IGF1: variants seen among roughly 807,000 people sequenced by gnomAD.
The protein encoded by IGF1 is insulin-like growth factor 1.
A neutral mutation model predicts 13.8 loss-of-function variants in IGF1; 4 were observed. The observed-to-expected ratio is 0.29, with a 90% CI of 0.14 to 0.66. IGF1 has a LOEUF of 0.66. Among genes scored for constraint, IGF1 ranks in the 30% least tolerant of loss-of-function variants. IGF1 has a pLI of 0.78. For synonymous variants in IGF1, 76 were observed against 72.6 expected (o/e 1.05, Z -0.23); for missense variants, 124 against 188.5 (o/e 0.66, Z 2.00).
intron 2 of IGF1, among the ~76,000 whole-genome samples, chr12:102,456,938 G>A (rs1017079343): frequency 3.3e-5 from 5 of 152,086 alleles, no homozygotes; most frequent in Non-Finnish European, 5.9e-5. Flanking sequence ...AACTGGTAGC[G>A]GGTCCTGATT....
intron 2 of IGF1, among the ~76,000 whole-genome samples, chr12:102,447,090 CTGTT>C (rs1367006096): frequency 5.9e-5 from 9 of 152,238 alleles, no homozygotes; most frequent in African/African-American, 1.7e-4. Flanking sequence ...GTTGGAGAGA[CTGTT>C]TGTTATGATT....
At chr12:102,468,502 AAAC>A (rs1250712403) in intron 2 of IGF1, among the ~76,000 whole-genome samples, 1 of 152,270 alleles carries the variant, frequency 6.6e-6, no homozygotes, top group Non-Finnish European at 1.5e-5. Context: ...ATGTGAGACT[AAAC>A]AATGCATTAA....
intron 2 of IGF1, among the ~76,000 whole-genome samples, chr12:102,454,893 T>C (rs1195537274): frequency 2.0e-5 from 3 of 152,202 alleles, no homozygotes; most frequent in African/African-American, 4.8e-5. Context: ...TATATCACAA[T>C]GCGTTAGTGT....
At chr12:102,441,679 C>T (rs1348796930) in intron 2 of IGF1, among the ~76,000 whole-genome samples, 1 of 152,142 alleles carries the variant, frequency 6.6e-6, no homozygotes, top group Non-Finnish European at 1.5e-5. Context: ...AAAAGCGTGA[C>T]CCAAGGAGAC....
chr12:102,461,996 A>G (rs1219812576), intron 2 of IGF1, among the ~76,000 whole-genome samples: 2 of 152,204 alleles, frequency 1.3e-5, no homozygotes, highest in Admixed American at 6.5e-5. Flanking sequence ...ACACGCATCC[A>G]AATCCTGTGG....
At chr12:102,449,091 A>C (rs1475877652) in intron 2 of IGF1, among the ~76,000 whole-genome samples, 2 of 152,210 alleles carry the variant, frequency 1.3e-5, no homozygotes, top group African/African-American at 2.4e-5. Context: ...ATAAAGACAC[A>C]TGCACATATA....
chr12:102,402,965 G>T (rs1873813087), intron 3 of IGF1, among the ~76,000 whole-genome samples: 2 of 152,138 alleles, frequency 1.3e-5, no homozygotes, highest in Non-Finnish European at 2.9e-5. Flanking sequence ...TTTTATTGCA[G>T]TTTGTTCTGT....
rs552451658 is a variant in IGF1, at chr12:102,467,184, A to G, written c.220+8459T>C. 2.0e-5 allele frequency among the ~76,000 whole-genome samples: 3 copies of G among 152,302 alleles called. No homozygotes were observed. In the East Asian group the frequency reaches 5.8e-4, roughly 29 times the overall value. ...CAGAGGTAGTACCATCTTCCCAGCA[A>G]TACTCTCCGGATTGCTTCTATGTCT... On this transcript the variant is annotated intron_variant, in intron 2 of 3. Transcript: ENST00000337514.
intron 2 of IGF1, among the ~76,000 whole-genome samples, chr12:102,446,542 T>G (rs1185604321): frequency 6.6e-6 from 1 of 152,198 alleles, no homozygotes; most frequent in Non-Finnish European, 1.5e-5. Context: ...TGATGGTAGT[T>G]TGTATTTCTG....
At chr12:102,457,084 G>T (rs1237804495) in intron 2 of IGF1, among the ~76,000 whole-genome samples, 3 of 152,136 alleles carry the variant, frequency 2.0e-5, no homozygotes, top group Non-Finnish European at 2.9e-5. Context: ...GCCAACCAGC[G>T]AATTCAAGGC....
rs1008956868 is a variant in IGF1 at position 102,433,575 on chromosome 12, C to CT, written c.221-13886dup. ...AACAAGCTCTTAACTGTATATTAGCCTTTTTTTTCTGTTTTGTGAAGACTG... is the reference window on the plus strand; with the variant it reads ...AACAAGCTCTTAACTGTATATTAGCCTTTTTTTTTCTGTTTTGTGAAGACTG... On this transcript the variant is annotated intron_variant, in intron 2 of 3. Transcript: ENST00000337514. 8.6e-5 allele frequency among the ~76,000 whole-genome samples: 13 copies of CT among 151,848 alleles called. No individual in the cohort carries two copies. In the East Asian group the frequency reaches 9.7e-4, roughly 11 times the overall value.
chr12:102,455,091 A>G (rs1391544398), intron 2 of IGF1, among the ~76,000 whole-genome samples: 16 of 152,212 alleles, frequency 1.1e-4, no homozygotes, highest in Admixed American at 1.0e-3. Flanking sequence ...ATTAAAGAGG[A>G]AAATATTGGC....
chr12:102,418,467 G>A (rs2136996185), intron 3 of IGF1, among the ~76,000 whole-genome samples: 2 of 152,314 alleles, frequency 1.3e-5, no homozygotes, highest in South Asian at 4.1e-4. Flanking sequence ...AAGCAGCGAA[G>A]GTGTCATGGT....
chr12:102,424,146 T>C (rs1451529132), intron 2 of IGF1, among the ~76,000 whole-genome samples: 1 of 152,038 alleles, frequency 6.6e-6, no homozygotes, highest in Non-Finnish European at 1.5e-5. Flanking sequence ...AAGCAACTAG[T>C]TCTTAAGATA....
At chr12:102,407,935 A>G (rs1230591588) in intron 3 of IGF1, among the ~76,000 whole-genome samples, 2 of 152,198 alleles carry the variant, frequency 1.3e-5, no homozygotes. Flanking sequence ...TAAAAGGATA[A>G]AAATAGGCTC....
At chr12:102,405,537 C>T (rs978001494) in intron 3 of IGF1, among the ~76,000 whole-genome samples, 1 of 152,092 alleles carries the variant, frequency 6.6e-6, no homozygotes, top group African/African-American at 2.4e-5. Context: ...TGATCAAACC[C>T]GCAAAATAGA....
intron 2 of IGF1, among the ~76,000 whole-genome samples, chr12:102,450,722 A>T (rs368257113): frequency 1.2e-4 from 19 of 152,226 alleles, no homozygotes; most frequent in African/African-American, 4.6e-4. Context: ...CAATATCTAC[A>T]TGCTGTTTGT....
chr12:102,480,198 A>G (rs1046654524), intron 1 of IGF1, 121 bp downstream of exon 1: 3 of 949,376 alleles, frequency 3.2e-6, no homozygotes, highest in Non-Finnish European at 4.9e-6. Flanking sequence ...AGCAATTTAT[A>G]AATAACTCTC....
intron 3 of IGF1, among the ~76,000 whole-genome samples, chr12:102,414,473 A>T (rs1874909922): frequency 6.6e-6 from 1 of 152,030 alleles, no homozygotes; most frequent in South Asian, 2.1e-4. Flanking sequence ...CCAAGCTGGG[A>T]TGCAGCGGCA....
Sources: allele counts gnomAD v4.1 joint callset (sites outside exome capture counted in the v4.1 genomes callset), GRCh38; gene constraint gnomAD v4.1.1; transcripts MANE v1.5; gene names NCBI Gene and HGNC (gene_info 2026-07-23, HGNC 2026-07-21).